Variants in GIGYF2 observed in about 807,000 individuals in gnomAD.
GIGYF2 encodes GRB10 interacting GYF protein 2.
Under a neutral mutation model 208.1 loss-of-function variants are expected in GIGYF2, and 25 were observed. The ratio of observed to expected loss-of-function variants is 0.12; its 90% CI spans 0.09 to 0.17. GIGYF2 has a LOEUF of 0.17. Among genes scored for constraint, GIGYF2 ranks in the 10% least tolerant of loss-of-function variants. The pLI, the probability that GIGYF2 is intolerant of heterozygous loss-of-function variation, is 1.00. For missense variants in GIGYF2, 1,302 were observed against 1,579.4 expected (o/e 0.82, Z 2.98); for synonymous variants, 534 against 543.8 (o/e 0.98, Z 0.25).
chr2:232,721,320 T>A (rs898032723), intron 2 of GIGYF2, among the ~76,000 whole-genome samples: 20 of 152,234 alleles, frequency 1.3e-4, no homozygotes, highest in Admixed American at 2.6e-4. Flanking sequence ...CTTGTTTAAT[T>A]CCTAAGGCTT....
At chr2:232,727,269 C>G (rs771218198) in intron 2 of GIGYF2, among the ~76,000 whole-genome samples, 15 of 152,160 alleles carry the variant, frequency 9.9e-5, no homozygotes, top group Non-Finnish European at 1.5e-4. Flanking sequence ...CCCGGCCCAT[C>G]ATACAGCTTT....
intron 2 of GIGYF2, among the ~76,000 whole-genome samples, chr2:232,725,337 A>G (rs761332835): frequency 2.0e-5 from 3 of 152,220 alleles, no homozygotes; most frequent in Non-Finnish European, 4.4e-5. Flanking sequence ...CAAATTGATT[A>G]TCTTCCAAAA....
At position 232,857,056 on chromosome 2, in the gene GIGYF2, A is replaced by T; in HGVS notation, c.*196A>T. 1.6e-6 allele frequency: 1 copy of T among 630,638 alleles called. No homozygotes were observed. Among genetic ancestry groups the T allele is most frequent in the Non-Finnish European group, 2.9e-6 (1 of 347,990 alleles). 39.1% of individuals were successfully genotyped at this position (630,638 alleles called of 1,614,324 possible). A position where few individuals can be genotyped will look rare whatever the true frequency, so the allele number is the denominator to read the frequency against. On this transcript the variant is annotated 3_prime_UTR_variant, in exon 29 of 29. Coordinates refer to ENST00000373563, the MANE Select transcript of GIGYF2 (RefSeq NM_001103146.3). ...TTTTTGTTGGTGAACATCTCAGACT[A>T]TAGATAAGTGGACTGGACCCTGTGT...
chr2:232,714,835 G>A lies in GIGYF2; in HGVS notation c.-44+11346G>A, dbSNP rs143753236. Among the ~76,000 whole-genome samples the A allele has an allele frequency of 1.6e-4, 24 of 151,646 alleles. 1 individual carries two copies. The highest frequency in any genetic ancestry group is 5.8e-4 in the African/African-American group (24 of 41,298). Reference sequence around the variant, plus strand: ...AATACTTTTATGTTCAGGGGTACATGTGCAGATTTGTTACATAGGTAAATG... The same window carrying A: ...AATACTTTTATGTTCAGGGGTACATATGCAGATTTGTTACATAGGTAAATG... On this transcript the variant is annotated intron_variant, in intron 2 of 28. Transcript: ENST00000373563.
chr2:232,799,385 A>T, intron 14 of GIGYF2, among the ~76,000 whole-genome samples: 1 of 151,476 alleles, frequency 6.6e-6, no homozygotes, highest in East Asian at 1.9e-4. Flanking sequence ...CTCTATAAAA[A>T]AAAAAATAAA....
rs764258357 is a variant in GIGYF2 at position 232,847,535 on chromosome 2, G to A, written c.3648G>A (p.Gln1216=). Reference sequence around the variant, plus strand: ...AGCTGCCACAGCAGCAGCAGCAGCAGCCGCCACAGCAGCCGCCACAGCAGC... The same window carrying A: ...AGCTGCCACAGCAGCAGCAGCAGCAACCGCCACAGCAGCCGCCACAGCAGC... ...QQQLPQQQQQ[Q]PPQQPPQQPQ... The change falls in exon 27 of 29, where the codon CAG becomes CAA. Residue 1216 remains glutamine, a synonymous_variant. Coordinates refer to ENST00000373563, the MANE Select transcript of GIGYF2 (RefSeq NM_001103146.3). 1.9e-6 allele frequency: 3 copies of A among 1,599,374 alleles called. No individual in the cohort carries two copies. The highest frequency in any genetic ancestry group is 2.2e-5 in the East Asian group (1 of 44,590).
rs968738930 is a variant in GIGYF2, at chr2:232,790,699, T to A, written c.714T>A (p.Asp238Glu). 6.2e-7 allele frequency: 1 copy of A among 1,612,882 alleles called. No homozygotes were observed. The highest frequency in any genetic ancestry group is 1.3e-5 in the African/African-American group (1 of 74,906). ...TTTGTGTCCTCCTTCTCATCTCAGA[T>A]GGCCCTCGTTCTGCAGGCTGGCGGG... ...DGERWRPHSP[D>E]GPRSAGWREH... is the part of the protein sequence containing the mutation. The change falls in exon 10 of 29, where the codon GAT becomes GAA. Residue 238 changes from aspartate (D) to glutamate (E), a missense_variant and splice_region_variant. Around this residue, in one of 8 missense-constraint regions of GIGYF2, gnomAD observed 189 missense variants for 257.7 expected, o/e 0.73. Transcript: ENST00000373563.
At chr2:232,812,613 A>G in intron 18 of GIGYF2, 122 bp downstream of exon 18, 1 of 649,026 alleles carries the variant, frequency 1.5e-6, no homozygotes, top group East Asian at 2.8e-5. Context: ...GATATTAACA[A>G]AAGGTCCATT....
At chr2:232,737,216 A>G (rs1050485345) in intron 3 of GIGYF2, among the ~76,000 whole-genome samples, 14 of 152,300 alleles carry the variant, frequency 9.2e-5, no homozygotes, top group Middle Eastern at 3.4e-3. Flanking sequence ...ATCTCAGTGT[A>G]GTATTGAGCA....
At position 232,809,783 on chromosome 2, in the gene GIGYF2, C is replaced by A; in HGVS notation, c.1870C>A (p.His624Asn). ...QELTALYQMQ[H>N]LQYQQFLIQQ... ...ACTCACAGCCTTATACCAGATGCAG[C>A]ACCTGCAGTACCAGCAGTTTTTAAT... The change falls in exon 16 of 29, where the codon CAC (histidine) becomes AAC (asparagine). Residue 624 changes from histidine to asparagine, a missense_variant. His to Asn is a moderately conservative substitution (Grantham distance 68). Coordinates refer to ENST00000373563, the MANE Select transcript of GIGYF2 (RefSeq NM_001103146.3). 6.2e-7 allele frequency: 1 copy of A among 1,604,564 alleles called. No homozygotes were observed. Among genetic ancestry groups the A allele is most frequent in the Non-Finnish European group, 8.5e-7 (1 of 1,171,270 alleles).
intron 21 of GIGYF2, among the ~76,000 whole-genome samples, chr2:232,825,047 C>G (rs957417837): frequency 6.6e-6 from 1 of 152,210 alleles, no homozygotes; most frequent in Non-Finnish European, 1.5e-5. Flanking sequence ...TGAAGACCTA[C>G]TGCTCCTTTC....
At chr2:232,710,581 A>G (rs941536808) in intron 2 of GIGYF2, among the ~76,000 whole-genome samples, 12 of 152,322 alleles carry the variant, frequency 7.9e-5, no homozygotes, top group East Asian at 5.8e-4. Context: ...CAGTCAAACA[A>G]TCATTTAAGT....
intron 8 of GIGYF2, among the ~76,000 whole-genome samples, chr2:232,784,592 G>A (rs976534683): frequency 8.5e-5 from 12 of 141,242 alleles, no homozygotes; most frequent in Middle Eastern, 3.7e-3. Context: ...GGGTTTCATC[G>A]TGTTAGCTTG....
intron 2 of GIGYF2, among the ~76,000 whole-genome samples, chr2:232,732,513 C>A (rs557366168): frequency 3.3e-5 from 5 of 152,174 alleles, no homozygotes; most frequent in Non-Finnish European, 4.4e-5. Flanking sequence ...CTTGTTCAGA[C>A]AGCTGTAACA....
At position 232,816,954 on chromosome 2, in the gene GIGYF2, A is replaced by G. The variant is rs144753024; in HGVS notation, c.2292A>G (p.Gln764=). 5.6e-6 allele frequency: 9 copies of G among 1,611,992 alleles called. No homozygotes were observed. The highest frequency in any genetic ancestry group is 1.6e-4 in the Middle Eastern group (1 of 6,080). ...AGAGGCAGGAAGAACTCCGAAGACA[A>G]CAGGAGGAAATTCTTCGGCGACAGC... ...ERKRQEELRR[Q]QEEILRRQQE... is the part of the protein sequence containing the mutation. Residue 764 remains glutamine, a synonymous_variant, in exon 20 of 29, where the codon CAA becomes CAG. Transcript: ENST00000373563.
chr2:232,731,528 T>C (rs1215361724), intron 2 of GIGYF2, among the ~76,000 whole-genome samples: 2 of 152,220 alleles, frequency 1.3e-5, no homozygotes, highest in African/African-American at 4.8e-5. Context: ...TTACAATTGA[T>C]GTGGTCTCTA....
intron 28 of GIGYF2, among the ~76,000 whole-genome samples, chr2:232,850,851 A>G (rs1265525030): frequency 6.6e-6 from 1 of 152,242 alleles, no homozygotes; most frequent in Non-Finnish European, 1.5e-5. Flanking sequence ...GTATCATATA[A>G]TTCTCAGAAT....
chr2:232,843,147 GTGTGTGTGTGTGTGTGT>G (rs1701874764), intron 23 of GIGYF2: 1 of 121,454 alleles, frequency 8.2e-6, no homozygotes, highest in Non-Finnish European at 1.8e-5. Context: ...GTGTGTGTGT[GTGTGTGTGTGTGTGTGT>G]GTGTGTGTGT....
At chr2:232,799,387 A>T (rs778166) in intron 14 of GIGYF2, among the ~76,000 whole-genome samples, 49,816 of 151,120 alleles carry the variant, frequency 0.33, 8,526 homozygotes, top group South Asian at 0.62. Context: ...CTATAAAAAA[A>T]AAAATAAAAA....
Sources: allele counts gnomAD v4.1 joint callset (sites outside exome capture counted in the v4.1 genomes callset), GRCh38; gene constraint gnomAD v4.1.1; regional missense constraint gnomAD v4.1.1; transcripts MANE v1.5; gene names NCBI Gene and HGNC (gene_info 2026-07-23, HGNC 2026-07-21).